AP2A2: variants seen among roughly 807,000 people sequenced by gnomAD.
AP2A2 encodes AP-2 complex subunit alpha-2.
Under a neutral mutation model 104.2 loss-of-function variants are expected in AP2A2, and 32 were observed. The ratio of observed to expected loss-of-function variants is 0.31; its 90% confidence interval spans 0.23 to 0.41. The LOEUF is 0.41. AP2A2 is among the 10% of genes least tolerant of loss of function. The pLI, the probability that AP2A2 is intolerant of heterozygous loss-of-function variation, is 1.00. For synonymous variants in AP2A2, 539 were observed against 533.3 expected, an observed-to-expected ratio of 1.01 and a Z score of -0.15; for missense variants, 912 against 1,261.0, an observed-to-expected ratio of 0.72 and a Z score of 4.19.
At chr11:936,956 C>G (rs900966523) in intron 1 of AP2A2, among the ~76,000 whole-genome samples, 1 of 152,098 alleles carries the variant, frequency 6.6e-6, no homozygotes, top group Non-Finnish European at 1.5e-5. Flanking sequence ...GGCAGGGGCT[C>G]TTCTCTCCTC....
chr11:934,168 G>A (rs1397325455), intron 1 of AP2A2, among the ~76,000 whole-genome samples: 5 of 152,038 alleles, frequency 3.3e-5, no homozygotes, highest in African/African-American at 7.2e-5. Context: ...ACTCCAGGTC[G>A]AAACTCCAGG....
intron 2 of AP2A2, among the ~76,000 whole-genome samples, chr11:963,937 G>A (rs540978965): frequency 2.0e-3 from 306 of 152,324 alleles, no homozygotes; most frequent in Non-Finnish European, 3.2e-3. Context: ...CTAGGAGTGT[G>A]GGTCCACTCG....
intron 6 of AP2A2, among the ~76,000 whole-genome samples, chr11:983,577 G>GT (rs1203186542): frequency 5.9e-5 from 9 of 151,744 alleles, no homozygotes; most frequent in East Asian, 3.9e-4. Flanking sequence ...TAGAGATGGG[G>GT]TTTCACTGTG....
intron 1 of AP2A2, among the ~76,000 whole-genome samples, chr11:928,106 G>T (rs983272389): frequency 2.0e-5 from 3 of 152,206 alleles, no homozygotes; most frequent in Admixed American, 6.5e-5. Context: ...TATTGTCTGT[G>T]CCAGGGCCTG....
chr11:976,363 T>C (rs1855038182), intron 4 of AP2A2, among the ~76,000 whole-genome samples: 1 of 152,208 alleles, frequency 6.6e-6, no homozygotes, highest in African/African-American at 2.4e-5. Context: ...TATACCCTTT[T>C]CTGCCTTCCA....
intron 18 of AP2A2, 117 bp from the exon 19 acceptor site, chr11:1,008,983 C>T (rs1037601672): frequency 1.6e-5 from 13 of 809,364 alleles, no homozygotes; most frequent in South Asian, 3.4e-5. Context: ...GGCCCCCCGA[C>T]CCGCTCTGGT....
rs1487669891 is a variant in AP2A2 at position 997,775 on chromosome 11, T to G, written c.1957-2657T>G. On this transcript the variant is annotated intron_variant, in intron 14 of 21. Coordinates refer to ENST00000448903, the MANE Select transcript of AP2A2 (RefSeq NM_012305.4). ...CAAAAATTAGCCAGGTGTGGTGGTG[T>G]GTGCCTGTAATCCCAGCTGCTCGGG... Among the ~76,000 whole-genome samples the G allele has an allele frequency of 3.3e-5, 5 of 152,082 alleles. No individual in the cohort carries two copies. In the South Asian group the frequency reaches 6.2e-4, roughly 19 times the overall value.
At chr11:1,006,377 A>G in intron 16 of AP2A2, 151 bp from the exon 17 acceptor site, 1 of 649,246 alleles carries the variant, frequency 1.5e-6, no homozygotes, top group African/African-American at 1.8e-5. Context: ...AAAACTGGAA[A>G]AAATTTGTTC....
At chr11:976,541 C>T (rs1455769380) in intron 4 of AP2A2, among the ~76,000 whole-genome samples, 5 of 152,128 alleles carry the variant, frequency 3.3e-5, no homozygotes, top group East Asian at 1.9e-4. Flanking sequence ...GCATGGAACA[C>T]GTCTGTGCCC....
chr11:992,649 C>G lies in AP2A2; in HGVS notation c.1416C>G (p.Asp472Glu), dbSNP rs559149700. Residue 472 changes from aspartate to glutamate, a missense_variant, in exon 11 of 22, where the codon GAC becomes GAG. Coordinates refer to ENST00000448903, the MANE Select transcript of AP2A2 (RefSeq NM_012305.4). This position sits in a 1 kb window ranked among gnomAD's most constrained non-coding sequence, Gnocchi z 6.4. ...TCATTCAGATCGTCATCAACCGGGA[C>G]GACGTGCAGGGCTACGCGGCCAAGA... ...YRVIQIVINR[D>E]DVQGYAAKTV... The G allele has an allele frequency of 6.2e-7, 1 of 1,613,796 alleles. No homozygotes were observed. Among genetic ancestry groups the G allele is most frequent in the African/African-American group, 1.3e-5 (1 of 74,904 alleles).
At chr11:991,427 G>A (rs1855651551) in intron 10 of AP2A2, among the ~76,000 whole-genome samples, 1 of 152,188 alleles carries the variant, frequency 6.6e-6, no homozygotes, top group African/African-American at 2.4e-5. Flanking sequence ...AGGTGATAGT[G>A]GCCTGGTCTG....
intron 2 of AP2A2, among the ~76,000 whole-genome samples, chr11:962,482 C>T (rs552136808): frequency 1.3e-5 from 2 of 152,330 alleles, no homozygotes; most frequent in South Asian, 2.1e-4. Flanking sequence ...GCCTGTAACC[C>T]AGCACTGTGG....
intron 10 of AP2A2, among the ~76,000 whole-genome samples, chr11:989,842 G>C (rs1855587523): frequency 6.6e-6 from 1 of 152,230 alleles, no homozygotes; most frequent in African/African-American, 2.4e-5. Flanking sequence ...TCGCCACTGT[G>C]ACCAGCCAGG....
intron 2 of AP2A2, among the ~76,000 whole-genome samples, chr11:960,287 G>T (rs1015425968): frequency 1.1e-4 from 17 of 150,798 alleles, no homozygotes; most frequent in Non-Finnish European, 2.2e-4. Flanking sequence ...CTGTCGCTCA[G>T]TGTGGAGTGC....
chr11:939,200 G>A (rs988455411), intron 1 of AP2A2, among the ~76,000 whole-genome samples: 1 of 144,082 alleles, frequency 6.9e-6, no homozygotes, highest in Non-Finnish European at 1.5e-5. Context: ...GCAGTGAGCC[G>A]AGATCGCACC....
intron 16 of AP2A2, among the ~76,000 whole-genome samples, chr11:1,004,600 A>T (rs1856142367): frequency 6.6e-6 from 1 of 151,472 alleles, no homozygotes; most frequent in Non-Finnish European, 1.5e-5. Context: ...ACATTGTGAG[A>T]CCCCATCTCT....
chr11:952,035 T>G (rs1854070934), intron 1 of AP2A2, among the ~76,000 whole-genome samples: 1 of 152,044 alleles, frequency 6.6e-6, no homozygotes, highest in African/African-American at 2.4e-5. Flanking sequence ...CACCTAATTT[T>G]TTAAAAAATT....
chr11:944,676 T>C (rs1051520569), intron 1 of AP2A2, among the ~76,000 whole-genome samples: 1 of 152,128 alleles, frequency 6.6e-6, no homozygotes, highest in Non-Finnish European at 1.5e-5. Flanking sequence ...GGGCCGGCCC[T>C]TCTGTGAAGG....
At chr11:937,046 A>AT (rs2134467949) in intron 1 of AP2A2, among the ~76,000 whole-genome samples, 1 of 151,752 alleles carries the variant, frequency 6.6e-6, no homozygotes, top group South Asian at 2.1e-4. Context: ...ATTTATTGAG[A>AT]TGGAGTCTCT....
Sources: allele counts gnomAD v4.1 joint callset (sites outside exome capture counted in the v4.1 genomes callset), GRCh38; gene constraint gnomAD v4.1.1; non-coding constraint Gnocchi (gnomAD v3.1); transcripts MANE v1.5; gene names NCBI Gene and HGNC (gene_info 2026-07-23, HGNC 2026-07-21).